Variants in SLIT3 observed in about 807,000 individuals in gnomAD.
SLIT3 encodes the protein slit homolog 3 protein.
Under a neutral mutation model 184.0 loss-of-function variants are expected in SLIT3, and 68 were observed. The ratio of observed to expected loss-of-function variants is 0.37; its 90% CI spans 0.30 to 0.45. The LOEUF is 0.45. Among genes scored for constraint, SLIT3 ranks in the 20% least tolerant of loss-of-function variants. The pLI is 1.00. For missense variants in SLIT3, 1,707 were observed against 2,026.0 expected (o/e 0.84, Z 3.02); for synonymous variants, 831 against 828.6 (o/e 1.00, Z -0.05).
intron 1 of SLIT3, among the ~76,000 whole-genome samples, chr5:169,293,586 G>A (rs1445202726): frequency 6.6e-6 from 1 of 152,152 alleles, no homozygotes; most frequent in Non-Finnish European, 1.5e-5. Context: ...GATTAATACA[G>A]CATCCTTTGA....
intron 25 of SLIT3, 111 bp from the exon 26 acceptor site, chr5:168,708,211 C>G: frequency 6.8e-7 from 1 of 1,473,060 alleles, no homozygotes; most frequent in East Asian, 2.3e-5. Context: ...CCCTTCCCAA[C>G]TCCATGCCCA....
At chr5:169,267,350 C>G (rs922313974) in intron 1 of SLIT3, among the ~76,000 whole-genome samples, 3 of 152,188 alleles carry the variant, frequency 2.0e-5, no homozygotes, top group African/African-American at 7.2e-5. Context: ...TTTAGCTAAA[C>G]TAATAAGCTC....
intron 3 of SLIT3, among the ~76,000 whole-genome samples, chr5:169,199,885 C>A (rs1763859921): frequency 6.6e-6 from 1 of 152,196 alleles, no homozygotes; most frequent in Non-Finnish European, 1.5e-5. Flanking sequence ...GCCAACACAG[C>A]ATCAGGCACA....
At chr5:168,836,064 A>C (rs1157225147) in intron 6 of SLIT3, among the ~76,000 whole-genome samples, 1 of 152,184 alleles carries the variant, frequency 6.6e-6, no homozygotes, top group East Asian at 1.9e-4. Context: ...CCTTCTCCAC[A>C]TCATCCTTCC....
At chr5:169,056,486 G>A (rs1383564749) in intron 4 of SLIT3, among the ~76,000 whole-genome samples, 4 of 151,972 alleles carry the variant, frequency 2.6e-5, no homozygotes. Flanking sequence ...AATGAACACT[G>A]TTGAGTGATT....
chr5:168,743,451 C>T (rs1054660448), intron 20 of SLIT3, among the ~76,000 whole-genome samples: 5 of 152,294 alleles, frequency 3.3e-5, no homozygotes, highest in East Asian at 1.9e-4. Context: ...TGAGGCACCA[C>T]GAACCATGCC....
chr5:169,110,347 G>A (rs1760367227), intron 4 of SLIT3, among the ~76,000 whole-genome samples: 1 of 152,188 alleles, frequency 6.6e-6, no homozygotes, highest in Admixed American at 6.5e-5. Flanking sequence ...CTGTAACAAA[G>A]TAGGTGCAAT....
chr5:169,133,063 C>T (rs1417047284), intron 4 of SLIT3, among the ~76,000 whole-genome samples: 1 of 152,188 alleles, frequency 6.6e-6, no homozygotes, highest in East Asian at 1.9e-4. Flanking sequence ...GAGGCGGTTA[C>T]AGGTGCATTA....
rs1763270773 is a variant in SLIT3, at chr5:168,730,866, T to C, written c.2271-6382A>G. Among the ~76,000 whole-genome samples, 5 of 150,934 alleles carry C rather than the reference T, an allele frequency of 3.3e-5. No individual in the cohort carries two copies. In the South Asian group the frequency reaches 1.0e-3, roughly 32 times the overall value. ...CCCAAAGTTAGCAGAAGAAGAGAAATAACAAAGATCATGCTGAGACTAAGG... is the reference window on the plus strand; with the variant it reads ...CCCAAAGTTAGCAGAAGAAGAGAAACAACAAAGATCATGCTGAGACTAAGG... On this transcript the variant is annotated intron_variant, in intron 20 of 35. Transcript: ENST00000519560.
intron 4 of SLIT3, among the ~76,000 whole-genome samples, chr5:169,128,721 C>T (rs1421959235): frequency 6.6e-6 from 1 of 152,178 alleles, no homozygotes; most frequent in Non-Finnish European, 1.5e-5. Context: ...TGAGCCACCG[C>T]GCCCAGCCTG....
intron 3 of SLIT3, among the ~76,000 whole-genome samples, chr5:169,240,022 C>T (rs1037650626): frequency 2.0e-5 from 3 of 152,020 alleles, no homozygotes; most frequent in Non-Finnish European, 2.9e-5. Flanking sequence ...GTGATATGTT[C>T]TTCAACTCGG....
At chr5:169,116,270 A>G (rs1036922249) in intron 4 of SLIT3, among the ~76,000 whole-genome samples, 2 of 152,224 alleles carry the variant, frequency 1.3e-5, no homozygotes, top group Non-Finnish European at 2.9e-5. Flanking sequence ...AGAGGTGAGC[A>G]GACAGGTGTC....
chr5:169,243,454 C>T (rs1055384054), intron 3 of SLIT3, among the ~76,000 whole-genome samples: 3 of 152,138 alleles, frequency 2.0e-5, no homozygotes, highest in Admixed American at 6.5e-5. Context: ...TTTTCCCTTG[C>T]AAGAAATAAA....
intron 33 of SLIT3, among the ~76,000 whole-genome samples, chr5:168,672,749 C>T (rs1197390062): frequency 2.0e-5 from 3 of 152,218 alleles, no homozygotes; most frequent in Non-Finnish European, 4.4e-5. Context: ...GTTGGGATTA[C>T]AGGTGTGAGC....
At chr5:169,042,736 C>A (rs915018646) in intron 4 of SLIT3, among the ~76,000 whole-genome samples, 2 of 152,110 alleles carry the variant, frequency 1.3e-5, no homozygotes, top group Non-Finnish European at 2.9e-5. Context: ...ACATTGCCAA[C>A]CCGAGAATCA....
intron 4 of SLIT3, among the ~76,000 whole-genome samples, chr5:168,906,792 T>C (rs1436512284): frequency 6.6e-6 from 1 of 152,170 alleles, no homozygotes; most frequent in Non-Finnish European, 1.5e-5. Context: ...CAGGGAATGA[T>C]TGTATTTTTG....
chr5:168,717,786 A>G (rs1327434551), intron 23 of SLIT3, among the ~76,000 whole-genome samples: 19 of 151,712 alleles, frequency 1.3e-4, no homozygotes, highest in Non-Finnish European at 2.1e-4. Context: ...TCAGCCTCCC[A>G]AGTAGCTGGG....
chr5:169,168,176 A>G (rs1473551132), intron 4 of SLIT3, among the ~76,000 whole-genome samples: 1 of 152,150 alleles, frequency 6.6e-6, no homozygotes, highest in Non-Finnish European at 1.5e-5. Flanking sequence ...CACTCTAAGC[A>G]CGGGTCAGCC....
At chr5:169,105,678 G>T (rs1196177526) in intron 4 of SLIT3, among the ~76,000 whole-genome samples, 2 of 152,210 alleles carry the variant, frequency 1.3e-5, no homozygotes, top group Non-Finnish European at 2.9e-5. Flanking sequence ...TCATTGTTCA[G>T]CTCTCACTTG....
Sources: allele counts gnomAD v4.1 joint callset (sites outside exome capture counted in the v4.1 genomes callset), GRCh38; gene constraint gnomAD v4.1.1; transcripts MANE v1.5; gene names NCBI Gene and HGNC (gene_info 2026-07-23, HGNC 2026-07-21).